OTULIN: variants seen among roughly 807,000 people sequenced by gnomAD.
The protein encoded by OTULIN is ubiquitin thioesterase otulin.
In OTULIN, 15 loss-of-function variants were observed where a neutral mutation model predicts 39.6. The observed-to-expected ratio is 0.38, with a 90% CI of 0.25 to 0.58. The LOEUF is 0.58. OTULIN is among the 20% of genes least tolerant of loss of function. The pLI is 0.66. For missense variants in OTULIN, 319 were observed against 445.9 expected (o/e 0.72, Z 2.56); for synonymous variants, 156 against 170.3 (o/e 0.92, Z 0.65).
chr5:14,687,684 G>A, intron 5 of OTULIN, 38 bp downstream of exon 5: 3 of 1,549,326 alleles, frequency 1.9e-6, no homozygotes, highest in Non-Finnish European at 2.6e-6. Flanking sequence ...TAAGGGTGAA[G>A]CTCTCGTTCT....
chr5:14,695,545 T>C lies in OTULIN; in HGVS notation c.*2497T>C, dbSNP rs183400426. 2.0e-4 allele frequency: 30 copies of C among 152,364 alleles called. No individual in the cohort carries two copies. Among genetic ancestry groups the C allele is most frequent in the Admixed American group, 1.4e-3 (21 of 15,310 alleles). The allele number at this position is 152,364 out of a possible 1,614,324, so 9.4% of individuals were successfully genotyped here. A position where few individuals can be genotyped will look rare whatever the true frequency, so the allele number is the denominator to read the frequency against. On this transcript the variant is annotated 3_prime_UTR_variant, in exon 7 of 7. Coordinates refer to ENST00000284274, the MANE Select transcript of OTULIN (RefSeq NM_138348.6). ...ACCCTGTGTATTGGCAGAAAAGTTA[T>C]CTCCATCTTAAGCAGGCATGACTTT...
the OTULIN span, chr5:14,709,301 A>AC: frequency 4.3e-5 from 3 of 70,070 alleles, no homozygotes; most frequent in African/African-American, 1.0e-4. Flanking sequence ...AAAAGCTGAT[A>AC]CATTGAGATT....
intron 1 of OTULIN, 21 bp from the exon 2 acceptor site, chr5:14,673,621 T>C: frequency 6.2e-7 from 1 of 1,609,342 alleles, no homozygotes; most frequent in Non-Finnish European, 8.5e-7. Context: ...TTTGAAAATG[T>C]CTGCTTTGGT....
intron 4 of OTULIN, among the ~76,000 whole-genome samples, chr5:14,687,115 G>C (rs1736405592): frequency 6.6e-6 from 1 of 152,128 alleles, no homozygotes; most frequent in Admixed American, 6.5e-5. Flanking sequence ...CTTCACCCTG[G>C]ACCTTCTCAC....
At chr5:14,715,637 T>G in the OTULIN span, among the ~76,000 whole-genome samples, 136 of 152,348 alleles carry the variant, frequency 8.9e-4, no homozygotes, top group Admixed American at 1.6e-3. Context: ...GCAACCACTG[T>G]TAGCAGCTTG....
At chr5:14,712,292 G>GACC in the OTULIN span, among the ~76,000 whole-genome samples, 20 of 152,200 alleles carry the variant, frequency 1.3e-4, no homozygotes, top group African/African-American at 4.8e-4. Context: ...CTACTCTCTT[G>GACC]ACCAACTGTT....
rs779964130 is a variant in OTULIN at position 14,693,094 on chromosome 5, G to A, written c.*46G>A. On this transcript the variant is annotated 3_prime_UTR_variant, in exon 7 of 7. Transcript: ENST00000284274. ...CCTGGCGACGTGGCGAAGATGCACA[G>A]GTGGCTCCTGGGCTTGGGCTGCAGG... 7 of 1,530,010 alleles carry A rather than the reference G, an allele frequency of 4.6e-6. No individual in the cohort carries two copies. In the East Asian group the frequency reaches 9.8e-5, roughly 21 times the overall value. 94.8% of individuals were successfully genotyped at this position (1,530,010 alleles called of 1,614,324 possible).
chr5:14,715,836 T>C, the OTULIN span, among the ~76,000 whole-genome samples: 2 of 152,264 alleles, frequency 1.3e-5, no homozygotes, highest in African/African-American at 2.4e-5. Context: ...CACACCACTA[T>C]ATTGGCTTGG....
At position 14,683,569 on chromosome 5, in the gene OTULIN, A is replaced by G. The variant is rs558947833; in HGVS notation, c.468+1962A>G. Among the ~76,000 whole-genome samples, 3 of 152,154 alleles carry G rather than the reference A, an allele frequency of 2.0e-5. No individual in the cohort carries two copies. The South Asian group carries it at 6.2e-4, about 32-fold the overall frequency. On this transcript the variant is annotated intron_variant, in intron 4 of 6. Coordinates refer to ENST00000284274, the MANE Select transcript of OTULIN (RefSeq NM_138348.6). ...TGACAACTGTAGATATATATGACAC[A>G]ATTTCTAGATTTTGGTGGTGTATAC...
At chr5:14,688,142 G>C (rs1372487282) in intron 5 of OTULIN, among the ~76,000 whole-genome samples, 1 of 152,192 alleles carries the variant, frequency 6.6e-6, no homozygotes, top group Admixed American at 6.5e-5. Context: ...ATTGTAGGGA[G>C]AACTTGGTCT....
intron 4 of OTULIN, among the ~76,000 whole-genome samples, chr5:14,685,322 C>G (rs1278386785): frequency 6.6e-6 from 1 of 152,178 alleles, no homozygotes; most frequent in African/African-American, 2.4e-5. Context: ...CAAAATGACA[C>G]CTAAGCTAAT....
intron 4 of OTULIN, among the ~76,000 whole-genome samples, chr5:14,684,058 T>C (rs1736324468): frequency 6.6e-6 from 1 of 152,222 alleles, no homozygotes; most frequent in Admixed American, 6.5e-5. Flanking sequence ...TTCTTAAGTG[T>C]TCTTTCCAGT....
intron 1 of OTULIN, 96 bp from the exon 2 acceptor site, chr5:14,673,546 C>A: frequency 4.2e-6 from 4 of 960,936 alleles, no homozygotes; most frequent in South Asian, 3.6e-5. Context: ...AAAGTTAAAC[C>A]CTTAGTATAT....
At chr5:14,692,635 A>G (rs1443538225) in intron 6 of OTULIN, among the ~76,000 whole-genome samples, 1 of 147,834 alleles carries the variant, frequency 6.8e-6, no homozygotes, top group Non-Finnish European at 1.5e-5. Context: ...TTTATTCTGG[A>G]TACAGGATCC....
chr5:14,703,324 CAAAAAAAAAAAAAAAAAAAAAAAAA>C (rs59779015), downstream of OTULIN, among the ~76,000 whole-genome samples: 8,237 of 122,164 alleles, frequency 0.067, 341 homozygotes, highest in Admixed American at 0.11. Flanking sequence ...TTAATAGTGT[CAAAAAAAAAAAAAAAAAAAAAAAAA>C]AAAAAAAAAA....
intron 2 of OTULIN, among the ~76,000 whole-genome samples, chr5:14,676,317 T>C (rs2126819428): frequency 6.6e-6 from 1 of 152,354 alleles, no homozygotes; most frequent in East Asian, 1.9e-4. Context: ...AGTTTGCAAC[T>C]AAAGAAAGTT....
intron 5 of OTULIN, among the ~76,000 whole-genome samples, chr5:14,689,041 C>T (rs1736456658): frequency 6.6e-6 from 1 of 152,134 alleles, no homozygotes; most frequent in African/African-American, 2.4e-5. Flanking sequence ...ATTTAATTCT[C>T]ACAACTATGA....
chr5:14,670,608 A>C (rs984377050), intron 1 of OTULIN, among the ~76,000 whole-genome samples: 1 of 152,094 alleles, frequency 6.6e-6, no homozygotes, highest in Non-Finnish European at 1.5e-5. Context: ...AAAATTAATT[A>C]ACTAATTTTT....
chr5:14,703,324 C>CAAAAAAAAAAAAAAAAAAAAA (rs59779015), downstream of OTULIN, among the ~76,000 whole-genome samples: 2 of 122,120 alleles, frequency 1.6e-5, no homozygotes, highest in Non-Finnish European at 3.4e-5. Flanking sequence ...TTAATAGTGT[C>CAAAAAAAAAAAAAAAAAAAAA]AAAAAAAAAA....
Sources: gnomAD v4.1 joint callset for allele counts (sites outside exome capture counted in the v4.1 genomes callset) on GRCh38, gnomAD v4.1.1 for gene constraint, MANE v1.5 for transcripts, NCBI Gene and HGNC (gene_info 2026-07-23, HGNC 2026-07-21) for gene names.